DNM3: variants seen among roughly 807,000 people sequenced by gnomAD.
DNM3 encodes dynamin-3.
DNM3 carries 47 observed loss-of-function variants against 101.6 expected under a neutral mutation model. The observed-to-expected ratio is 0.46, with a 90% CI of 0.37 to 0.59. DNM3 has a LOEUF of 0.59. Among genes scored for constraint, DNM3 ranks in the 20% least tolerant of loss-of-function variants. The probability of loss-of-function intolerance (pLI) is 0.00; values close to 1 mark genes in which losing one functional copy is unlikely to be tolerated. For missense variants in DNM3, 849 were observed against 1,085.7 expected (o/e 0.78, Z 3.06); for synonymous variants, 385 against 387.9 (o/e 0.99, Z 0.09).
At chr1:171,860,185 C>T (rs2034023087) in intron 1 of DNM3, among the ~76,000 whole-genome samples, 1 of 152,100 alleles carries the variant, frequency 6.6e-6, no homozygotes, top group African/African-American at 2.4e-5. Flanking sequence ...ATAACTAATG[C>T]TACTGAGAAA....
At position 172,142,583 on chromosome 1, in the gene DNM3, C is replaced by T. The variant is rs544951448; in HGVS notation, c.1659+11295C>T. Among the ~76,000 whole-genome samples the T allele has an allele frequency of 2.0e-5, 3 of 152,138 alleles. No homozygotes were observed. In the East Asian group the frequency reaches 5.8e-4, roughly 29 times the overall value. ...AGGCACCCTTATGTCCCTTCTATCTCCAGACTAAAAGTCATCCTGAGGGAG... is the reference window on the plus strand; with the variant it reads ...AGGCACCCTTATGTCCCTTCTATCTTCAGACTAAAAGTCATCCTGAGGGAG... On this transcript the variant is annotated intron_variant, in intron 14 of 20. Transcript: ENST00000627582.
intron 11 of DNM3, among the ~76,000 whole-genome samples, chr1:172,077,173 A>AT (rs1207475405): frequency 2.0e-5 from 3 of 151,874 alleles, no homozygotes; most frequent in African/African-American, 7.3e-5. Context: ...CCCCTTTATC[A>AT]TTTTTTATTG....
chr1:172,324,169 G>C (rs1437497727), intron 17 of DNM3, among the ~76,000 whole-genome samples: 1 of 152,076 alleles, frequency 6.6e-6, no homozygotes, highest in Non-Finnish European at 1.5e-5. Context: ...TGGGCGATTT[G>C]TTTTCTTATT....
At chr1:172,036,091 G>C (rs1485462958) in intron 6 of DNM3, among the ~76,000 whole-genome samples, 1 of 148,228 alleles carries the variant, frequency 6.7e-6, no homozygotes, top group Non-Finnish European at 1.5e-5. Context: ...TGCCATGCTG[G>C]TGTGCTGCAC....
intron 1 of DNM3, among the ~76,000 whole-genome samples, chr1:171,883,259 C>T (rs2036444795): frequency 6.6e-6 from 1 of 151,338 alleles, no homozygotes; most frequent in South Asian, 2.1e-4. Flanking sequence ...CTGTATAATC[C>T]CTGATAGTCA....
intron 7 of DNM3, among the ~76,000 whole-genome samples, chr1:172,039,682 A>T (rs1010276043): frequency 6.6e-6 from 1 of 151,990 alleles, no homozygotes; most frequent in African/African-American, 2.4e-5. Context: ...TCACAGCTAG[A>T]TTCTTGATTT....
intron 16 of DNM3, 52 bp from the exon 17 acceptor site, chr1:172,323,277 A>G (rs2065802065): frequency 6.6e-7 from 1 of 1,525,256 alleles, no homozygotes; most frequent in African/African-American, 1.4e-5. Flanking sequence ...ATTTTAAAAT[A>G]AATTTCTGTT....
At chr1:172,038,564 A>G in intron 7 of DNM3, 103 bp downstream of exon 7, 1 of 1,402,346 alleles carries the variant, frequency 7.1e-7, no homozygotes, top group Non-Finnish European at 9.8e-7. Context: ...TAGCAAGTAA[A>G]CTATATGAGG....
rs111735426 is a variant in DNM3, at chr1:172,097,129, C to T, written c.1545+4254C>T. 7.3e-4 allele frequency among the ~76,000 whole-genome samples: 111 copies of T among 152,066 alleles called. 1 individual carries two copies. Among genetic ancestry groups the T allele is most frequent in the African/African-American group, 2.3e-3 (96 of 41,480 alleles). ...GAAGGTGCTGATTTAGGGCCGGGCA[C>T]GGTGACTTATGCCTGTAATCCCAGC... On this transcript the variant is annotated intron_variant, in intron 13 of 20. Transcript: ENST00000627582.
At chr1:172,106,847 C>CTTTTCT (rs2055064031) in intron 13 of DNM3, among the ~76,000 whole-genome samples, 1 of 67,958 alleles carries the variant, frequency 1.5e-5, no homozygotes, top group Non-Finnish European at 2.5e-5. Context: ...TAACATTATT[C>CTTTTCT]TTTTTTTTTT....
chr1:172,198,622 T>A (rs2060040066), intron 14 of DNM3, among the ~76,000 whole-genome samples: 1 of 152,070 alleles, frequency 6.6e-6, no homozygotes, highest in African/African-American at 2.4e-5. Flanking sequence ...AGAATCGATT[T>A]CTTCCTGACT....
intron 18 of DNM3, 125 bp downstream of exon 18, chr1:172,379,307 T>G (rs2068768752): frequency 1.1e-6 from 1 of 894,366 alleles, no homozygotes; most frequent in African/African-American, 1.7e-5. Flanking sequence ...AGGTTCATCA[T>G]TTTCCATTAG....
chr1:171,869,347 C>T (rs745468233), intron 1 of DNM3, among the ~76,000 whole-genome samples: 1 of 152,178 alleles, frequency 6.6e-6, no homozygotes, highest in African/African-American at 2.4e-5. Context: ...GCTTACAGCT[C>T]AGCCACATAG....
intron 12 of DNM3, 129 bp from the exon 13 acceptor site, chr1:172,092,695 G>A: frequency 1.0e-6 from 1 of 952,490 alleles, no homozygotes; most frequent in Non-Finnish European, 1.5e-6. Flanking sequence ...AAACTGACCT[G>A]GAATTTTGGT....
chr1:172,390,692 C>T (rs927797804), intron 20 of DNM3, among the ~76,000 whole-genome samples: 12 of 152,166 alleles, frequency 7.9e-5, no homozygotes, highest in African/African-American at 2.9e-4. Flanking sequence ...AGCCTTGCTA[C>T]AAGCAAGATC....
chr1:171,978,529 G>C (rs2044548056), intron 2 of DNM3, among the ~76,000 whole-genome samples: 1 of 152,180 alleles, frequency 6.6e-6, no homozygotes, highest in South Asian at 2.1e-4. Flanking sequence ...ACTGGAGGCA[G>C]ATGGGTGGCA....
intron 15 of DNM3, among the ~76,000 whole-genome samples, chr1:172,288,440 A>C (rs374861644): frequency 2.0e-5 from 3 of 152,220 alleles, no homozygotes; most frequent in East Asian, 1.9e-4. Flanking sequence ...ATGATCCTAC[A>C]GGCCATGTTA....
rs145439017 is a variant in DNM3, at chr1:171,902,476, A to G, written c.162-19272A>G. 8.9e-4 allele frequency among the ~76,000 whole-genome samples: 135 copies of G among 152,348 alleles called. 1 individual carries two copies. Among genetic ancestry groups the G allele is most frequent in the African/African-American group, 2.9e-3 (122 of 41,582 alleles). The stretch of plus-strand genomic sequence containing the variant: ...GAAATGTTTTTGTCTTTTATAATCA[A>G]GAGTCTGAAATCTAGACAATGGCTT... On this transcript the variant is annotated intron_variant, in intron 1 of 20. Coordinates refer to ENST00000627582, the MANE Select transcript of DNM3 (RefSeq NM_015569.5).
In DNM3 at chr1:172,411,007, A is replaced by C; in HGVS notation, c.*3166A>C. The C allele has an allele frequency of 1.0e-6, 1 of 985,222 alleles. No individual in the cohort carries two copies. The highest frequency in any genetic ancestry group is 1.7e-5 in the African/African-American group (1 of 57,324). The allele number at this position is 985,222 out of a possible 1,614,324, so 61.0% of individuals were successfully genotyped here. ...CTGTAAGTATGTGTATTTTATGTCCATTTGAGTAGGTAGGTAGGTTTTAAA... is the reference window on the plus strand; with the variant it reads ...CTGTAAGTATGTGTATTTTATGTCCCTTTGAGTAGGTAGGTAGGTTTTAAA... On this transcript the variant is annotated 3_prime_UTR_variant, in exon 21 of 21. Coordinates refer to ENST00000627582, the MANE Select transcript of DNM3 (RefSeq NM_015569.5).
Sources: gnomAD v4.1 joint callset for allele counts (sites outside exome capture counted in the v4.1 genomes callset) on GRCh38, gnomAD v4.1.1 for gene constraint, MANE v1.5 for transcripts, NCBI Gene and HGNC (gene_info 2026-07-23, HGNC 2026-07-21) for gene names.